RPH3A: variants seen among roughly 807,000 people sequenced by gnomAD.
RPH3A encodes rabphilin-3A.
A neutral mutation model predicts 102.2 loss-of-function variants in RPH3A; 48 were observed. The ratio of observed to expected loss-of-function variants is 0.47; its 90% CI spans 0.37 to 0.60. RPH3A has a LOEUF of 0.60. Ranked by LOEUF, RPH3A falls within the 20% of genes least tolerant of loss-of-function variation. RPH3A has a pLI of 0.00. For synonymous variants in RPH3A, 310 were observed against 324.3 expected (o/e 0.96, Z 0.47); for missense variants, 781 against 910.1 (o/e 0.86, Z 1.83).
intron 1 of RPH3A, among the ~76,000 whole-genome samples, chr12:112,758,390 A>G (rs2040834618): frequency 6.6e-6 from 1 of 152,218 alleles, no homozygotes; most frequent in Non-Finnish European, 1.5e-5. Context: ...ACCTCTGTTA[A>G]GACAGAAAGT....
intron 5 of RPH3A, among the ~76,000 whole-genome samples, chr12:112,855,378 G>T (rs937255174): frequency 2.2e-4 from 33 of 152,212 alleles, no homozygotes; most frequent in Non-Finnish European, 3.2e-4. Context: ...CTGTTCCTGG[G>T]TTTGTCATGA....
chr12:112,896,816 C>A lies in RPH3A; in HGVS notation c.*36C>A, dbSNP rs572557744. 2.4e-5 allele frequency: 38 copies of A among 1,605,900 alleles called. No homozygotes were observed. The East Asian group carries it at 4.3e-4, about 18-fold the overall frequency. ...AGGTCCCCATCTCCATGTCCCGGGT[C>A]CCCCCCAGCCTGCTCTAGCTGCCCA... On this transcript the variant is annotated 3_prime_UTR_variant, in exon 22 of 22. Transcript: ENST00000389385.
At chr12:112,593,924 G>C (rs1031351423) in intron 1 of RPH3A, among the ~76,000 whole-genome samples, 3 of 152,156 alleles carry the variant, frequency 2.0e-5, no homozygotes, top group African/African-American at 7.2e-5. Context: ...CTAACTCCTG[G>C]TACTTCCCCC....
chr12:112,618,271 T>G (rs186383882), intron 1 of RPH3A, among the ~76,000 whole-genome samples: 4 of 151,308 alleles, frequency 2.6e-5, no homozygotes, highest in East Asian at 1.9e-4. Context: ...AGGGGCTTCT[T>G]CTCCCTCAGT....
At chr12:112,758,489 G>A (rs1022280982) in intron 1 of RPH3A, among the ~76,000 whole-genome samples, 9 of 152,178 alleles carry the variant, frequency 5.9e-5, no homozygotes, top group African/African-American at 1.9e-4. Context: ...TGGGATGACC[G>A]TGAGGAAGGT....
chr12:112,682,088 G>A (rs1233039891), intron 1 of RPH3A, among the ~76,000 whole-genome samples: 1 of 152,210 alleles, frequency 6.6e-6, no homozygotes, highest in African/African-American at 2.4e-5. Context: ...TTGTTCAGGT[G>A]AATGTAGGTT....
At chr12:112,772,852 G>A (rs1024955291) in intron 1 of RPH3A, among the ~76,000 whole-genome samples, 1 of 151,900 alleles carries the variant, frequency 6.6e-6, no homozygotes, top group African/African-American at 2.4e-5. Flanking sequence ...AGTATACACT[G>A]CACCATATTT....
chr12:112,673,997 G>T (rs543864327), intron 1 of RPH3A, among the ~76,000 whole-genome samples: 128 of 152,274 alleles, frequency 8.4e-4, no homozygotes, highest in Non-Finnish European at 1.3e-3. Flanking sequence ...GGTTTCAAGC[G>T]ATCCTCCCAC....
chr12:112,751,925 A>G (rs1284079397), intron 1 of RPH3A, among the ~76,000 whole-genome samples: 2 of 152,212 alleles, frequency 1.3e-5, no homozygotes, highest in South Asian at 4.1e-4. Flanking sequence ...TTGTCATGCA[A>G]AGATGCTCTT....
intron 1 of RPH3A, among the ~76,000 whole-genome samples, chr12:112,621,394 G>A (rs1219427167): frequency 1.3e-5 from 2 of 150,056 alleles, no homozygotes; most frequent in Non-Finnish European, 3.0e-5. Flanking sequence ...TGCCTCACCT[G>A]GGAAGCGCAA....
chr12:112,882,508 C>T (rs10437844), intron 15 of RPH3A, among the ~76,000 whole-genome samples: 1 of 152,176 alleles, frequency 6.6e-6, no homozygotes. Context: ...CTGTTAAATA[C>T]CCCTGCAAGT....
chr12:112,875,621 C>A, intron 11 of RPH3A, 58 bp from the exon 12 acceptor site: 2 of 1,442,508 alleles, frequency 1.4e-6, no homozygotes, highest in Non-Finnish European at 1.9e-6. Flanking sequence ...AAAAGGTGAA[C>A]CCCCAAATGA....
chr12:112,845,719 T>A (rs895284851), intron 4 of RPH3A, among the ~76,000 whole-genome samples: 3 of 152,216 alleles, frequency 2.0e-5, no homozygotes, highest in Admixed American at 2.0e-4. Flanking sequence ...CAGAGAATGA[T>A]CTAAATGCAT....
At chr12:112,879,951 A>T (rs1465265112) in intron 14 of RPH3A, among the ~76,000 whole-genome samples, 1 of 152,178 alleles carries the variant, frequency 6.6e-6, no homozygotes, top group Non-Finnish European at 1.5e-5. Flanking sequence ...GGATAATAGT[A>T]GTGTATCTCC....
intron 1 of RPH3A, among the ~76,000 whole-genome samples, chr12:112,724,204 A>G: frequency 6.6e-6 from 1 of 151,930 alleles, no homozygotes; most frequent in African/African-American, 2.4e-5. Flanking sequence ...CCACAGGCAC[A>G]TGACACCATG....
At chr12:112,644,854 G>A (rs560177676) in intron 1 of RPH3A, among the ~76,000 whole-genome samples, 3 of 152,222 alleles carry the variant, frequency 2.0e-5, no homozygotes, top group African/African-American at 7.2e-5. Flanking sequence ...ATGTTACCCT[G>A]AATAGCTGCA....
At chr12:112,871,408 A>G (rs760902582) in intron 10 of RPH3A, among the ~76,000 whole-genome samples, 2 of 152,138 alleles carry the variant, frequency 1.3e-5, no homozygotes, top group Non-Finnish European at 2.9e-5. Context: ...TGTGGTTTTG[A>G]CTACTCTAGG....
rs1016579742 is a variant in RPH3A at position 112,727,969 on chromosome 12, T to A, written c.-139-64174T>A. 1.6e-4 allele frequency among the ~76,000 whole-genome samples: 25 copies of A among 152,110 alleles called. 1 individual carries two copies. Among genetic ancestry groups the A allele is most frequent in the Admixed American group, 1.1e-3 (17 of 15,272 alleles). The stretch of plus-strand genomic sequence containing the variant: ...GACCTCAGCCCAATAGTCCAGTATA[T>A]AAAAACCCATGAATATGTAAAGTAG... On this transcript the variant is annotated intron_variant, in intron 1 of 21. Coordinates refer to the RPH3A transcript ENST00000543106.
In RPH3A at chr12:112,791,867, G is replaced by GGAGGGAGAGAGAGAGAGAGAGAGAGA. The variant is rs2041112590; in HGVS notation, c.-282_-281insGGAGAGAGAGAGAGAGAGAGAGAGAG. 4.1e-5 allele frequency: 2 copies of GGAGGGAGAGAGAGAGAGAGAGAGAGA among 48,484 alleles called. No homozygotes were observed. The highest frequency in any genetic ancestry group is 9.6e-5 in the African/African-American group (1 of 10,408). 3.0% of individuals were successfully genotyped at this position (48,484 alleles called of 1,614,324 possible). A position where few individuals can be genotyped will look rare whatever the true frequency, so the allele number is the denominator to read the frequency against. ...CGCGGACTGGAAAGGAAGGGAGAAG[G>GGAGGGAGAGAGAGAGAGAGAGAGAGA]GAGAGAGAGAGAGAGAGAGAGAGAG... On this transcript the variant is annotated 5_prime_UTR_variant, in exon 1 of 22. Transcript: ENST00000389385.
Sources: gnomAD v4.1 joint callset for allele counts (sites outside exome capture counted in the v4.1 genomes callset) on GRCh38, gnomAD v4.1.1 for gene constraint, MANE v1.5 for transcripts, NCBI Gene and HGNC (gene_info 2026-07-23, HGNC 2026-07-21) for gene names.